POLR2H: variants seen among roughly 807,000 people sequenced by gnomAD.
POLR2H encodes DNA-directed RNA polymerases I, II, and III subunit RPABC3.
Under a neutral mutation model 18.1 loss-of-function variants are expected in POLR2H, and 3 were observed. That is an observed-to-expected ratio of 0.17 (90% CI 0.08 to 0.43). The LOEUF (loss-of-function observed/expected upper bound fraction) is 0.43, where lower values mean the gene tolerates loss of function less well. Among genes scored for constraint, POLR2H ranks in the 20% least tolerant of loss-of-function variants. The probability of loss-of-function intolerance (pLI) is 0.99; values close to 1 mark genes in which losing one functional copy is unlikely to be tolerated. For synonymous variants in POLR2H, 76 were observed against 69.0 expected, an observed-to-expected ratio of 1.10 and a Z score of -0.50; for missense variants, 103 against 184.6, an observed-to-expected ratio of 0.56 and a Z score of 2.56.
At chr3:184,364,303 C>T (rs930558490) in intron 2 of POLR2H, 11 of 152,030 alleles carry the variant, frequency 7.2e-5, no homozygotes, top group African/African-American at 2.7e-4. Flanking sequence ...GATTTTAGCT[C>T]ACCACAACCT....
Position 184,368,369 on chromosome 3 carries a change from CT to C in POLR2H, c.*77del. 1 of 1,261,542 alleles carries C rather than the reference CT, an allele frequency of 7.9e-7. No individual in the cohort carries two copies. The highest frequency in any genetic ancestry group is 1.1e-6 in the Non-Finnish European group (1 of 911,466). The allele number at this position is 1,261,542 out of a possible 1,614,324, so 78.1% of individuals were successfully genotyped here. On this transcript the variant is annotated 3_prime_UTR_variant, in exon 6 of 6. Coordinates refer to ENST00000456318, the MANE Select transcript of POLR2H (RefSeq NM_006232.5). ...TGTTCAAGCCTGAGTGGCAGCCGCT[CT>C]TGCTCACCTGTTGAGGAAGGGCTGG...
chr3:184,363,429 G>T lies in POLR2H; in HGVS notation c.-64G>T. ...TCTCCGGTCTTGTCCACGCTAGGGGGTGCACGTACTCCCAACTGTGGTCGC... is the reference window on the plus strand; with the variant it reads ...TCTCCGGTCTTGTCCACGCTAGGGGTTGCACGTACTCCCAACTGTGGTCGC... On this transcript the variant is annotated 5_prime_UTR_variant, in exon 2 of 6. Transcript: ENST00000456318. 1 of 1,336,230 alleles carries T rather than the reference G, an allele frequency of 7.5e-7. No homozygotes were observed. Among genetic ancestry groups the T allele is most frequent in the Non-Finnish European group, 1.1e-6 (1 of 930,592 alleles). 82.8% of individuals were successfully genotyped at this position (1,336,230 alleles called of 1,614,324 possible). A position where few individuals can be genotyped will look rare whatever the true frequency, so the allele number is the denominator to read the frequency against.
chr3:184,368,429 C>A lies in POLR2H; in HGVS notation c.*135C>A. On this transcript the variant is annotated 3_prime_UTR_variant, in exon 6 of 6. Transcript: ENST00000456318. Reference sequence around the variant, plus strand: ...CCACCGTGGCGGCATCTTTAACTGGCCTCCACTCAATGGGAAACTGACTCG... The same window carrying A: ...CCACCGTGGCGGCATCTTTAACTGGACTCCACTCAATGGGAAACTGACTCG... 1 of 628,700 alleles carries A rather than the reference C, an allele frequency of 1.6e-6. No homozygotes were observed. The highest frequency in any genetic ancestry group is 2.7e-6 in the Non-Finnish European group (1 of 375,332). The allele number at this position is 628,700 out of a possible 1,614,324, so 38.9% of individuals were successfully genotyped here.
intron 2 of POLR2H, 53 bp from the exon 3 acceptor site, chr3:184,364,913 T>G (rs1712970736): frequency 8.2e-7 from 1 of 1,217,404 alleles, no homozygotes; most frequent in African/African-American, 1.5e-5. Flanking sequence ...AATCCCACAC[T>G]GTAGGATCTG....
intron 5 of POLR2H, 56 bp from the exon 6 acceptor site, chr3:184,368,121 T>C (rs911064429): frequency 2.5e-6 from 4 of 1,613,362 alleles, no homozygotes; most frequent in Non-Finnish European, 3.4e-6. Context: ...AGGCTGAGAT[T>C]GAGAGCTGCT....
At position 184,365,036 on chromosome 3, in the gene POLR2H, C is replaced by T. The variant is rs1333158407; in HGVS notation, c.144C>T (p.Tyr48=). 2 of 1,604,318 alleles carry T rather than the reference C, an allele frequency of 1.2e-6. No individual in the cohort carries two copies. Among genetic ancestry groups the T allele is most frequent in the East Asian group, 2.2e-5 (1 of 44,826 alleles). Residue 48 remains tyrosine (Y), a synonymous_variant, in exon 3 of 6, where the codon TAC becomes TAT. Coordinates refer to ENST00000456318, the MANE Select transcript of POLR2H (RefSeq NM_006232.5). ...TCTTAGATGTAAACATTCAAATTTACCCTGTAGACTTGGGTAAGTATTGAA... is the reference window on the plus strand; with the variant it reads ...TCTTAGATGTAAACATTCAAATTTATCCTGTAGACTTGGGTAAGTATTGAA... The part of the protein sequence containing the change: ...DLILDVNIQI[Y]PVDLGDKFRL...
At position 184,363,406 on chromosome 3, in the gene POLR2H, T is replaced by C. The variant is rs549820332; in HGVS notation, c.-87T>C. On this transcript the variant is annotated 5_prime_UTR_variant, in exon 2 of 6. Transcript: ENST00000456318. Reference sequence around the variant, plus strand: ...CTTTCAGGAGGTGCTTTTGGTTCTCTCCGGTCTTGTCCACGCTAGGGGGTG... The same window carrying C: ...CTTTCAGGAGGTGCTTTTGGTTCTCCCCGGTCTTGTCCACGCTAGGGGGTG... The C allele has an allele frequency of 1.5e-5, 17 of 1,141,538 alleles. No individual in the cohort carries two copies. Among genetic ancestry groups the C allele is most frequent in the Non-Finnish European group, 2.2e-5 (17 of 761,262 alleles). The allele number at this position is 1,141,538 out of a possible 1,614,324, so 70.7% of individuals were successfully genotyped here. A position where few individuals can be genotyped will look rare whatever the true frequency, so the allele number is the denominator to read the frequency against.
At chr3:184,365,360 G>A in intron 4 of POLR2H, 134 bp downstream of exon 4, 2 of 718,844 alleles carry the variant, frequency 2.8e-6, no homozygotes, top group Non-Finnish European at 4.9e-6. Context: ...GGAAATTTCT[G>A]CACTTAAGAA....
rs375413195 is a variant in POLR2H at position 184,363,585 on chromosome 3, G to A, written c.73+20G>A. On this transcript the variant is annotated intron_variant, in intron 2 of 5. Transcript: ENST00000456318. ...ACCGAGGTAAGTAAGGTATGTAGGG[G>A]CGGTTTGGAGGAAGAGGCTAACCTC... 2 of 1,604,150 alleles carry A rather than the reference G, an allele frequency of 1.2e-6. No homozygotes were observed. The highest frequency in any genetic ancestry group is 1.7e-6 in the Non-Finnish European group (2 of 1,171,276).
intron 5 of POLR2H, among the ~76,000 whole-genome samples, chr3:184,367,311 A>G (rs1201624463): frequency 1.3e-5 from 2 of 152,184 alleles, no homozygotes; most frequent in Non-Finnish European, 2.9e-5. Context: ...AGGAAAAAAA[A>G]GTCACCTGTA....
At chr3:184,365,975 C>CA (rs563119852) in intron 4 of POLR2H, among the ~76,000 whole-genome samples, 7,075 of 61,292 alleles carry the variant, frequency 0.12, 235 homozygotes, top group South Asian at 0.16. Flanking sequence ...GACTCCGTCT[C>CA]AAAAAAAAAA....
chr3:184,366,843 T>A lies in POLR2H; in HGVS notation c.335+43T>A, dbSNP rs1713386058. ...GTGAGGATTCTTTTCCTCTTCCATG[T>A]TCTGAGACTTTGAGCTATGCTCCTG... On this transcript the variant is annotated intron_variant, in intron 5 of 5. Coordinates refer to ENST00000456318, the MANE Select transcript of POLR2H (RefSeq NM_006232.5). The A allele has an allele frequency of 4.3e-6, 5 of 1,175,714 alleles. No individual in the cohort carries two copies. In the South Asian group the frequency reaches 4.9e-5, roughly 12 times the overall value. 72.8% of individuals were successfully genotyped at this position (1,175,714 alleles called of 1,614,324 possible).
chr3:184,366,948 C>T (rs1577347073), intron 5 of POLR2H, 148 bp downstream of exon 5: 1 of 629,958 alleles, frequency 1.6e-6, no homozygotes, highest in Non-Finnish European at 2.9e-6. Flanking sequence ...GAGCAGTTTC[C>T]AGTCTGAAAT....
chr3:184,363,542 C>A lies in POLR2H; in HGVS notation c.50C>A (p.Pro17Gln). Residue 17 changes from proline to glutamine, a missense_variant, in exon 2 of 6, where the codon CCG becomes CAG. Pro to Gln is a moderately conservative substitution (Grantham distance 76, BLOSUM62 -1). Transcript: ENST00000456318. ...EDIFDVKDID[P>Q]EGKKFDRVSR... The stretch of plus-strand genomic sequence containing the variant: ...ATTTTCGATGTGAAGGATATTGACC[C>A]GGAGGGCAAGAAGTTTGACCGAGGT... 1 of 1,614,008 alleles carries A rather than the reference C, an allele frequency of 6.2e-7. No homozygotes were observed. The highest frequency in any genetic ancestry group is 1.1e-5 in the South Asian group (1 of 91,060).
intron 4 of POLR2H, 115 bp downstream of exon 4, chr3:184,365,341 T>A: frequency 2.5e-6 from 2 of 792,066 alleles, no homozygotes; most frequent in Non-Finnish European, 4.5e-6. Context: ...AGAATCTGAG[T>A]AACCTTAAGG....
chr3:184,363,736 C>A (rs1463547505), intron 2 of POLR2H, among the ~76,000 whole-genome samples, 171 bp downstream of exon 2: 1 of 152,196 alleles, frequency 6.6e-6, no homozygotes, highest in Non-Finnish European at 1.5e-5. Context: ...CCCGAGCTCT[C>A]TCTGGCTTCA....
intron 4 of POLR2H, among the ~76,000 whole-genome samples, chr3:184,366,274 C>A (rs909226494): frequency 5.9e-5 from 9 of 151,728 alleles, no homozygotes; most frequent in African/African-American, 2.2e-4. Context: ...GCCATGAGGA[C>A]TAAATGACAT....
rs1712631178 is a variant in POLR2H, at chr3:184,363,417, C to A, written c.-76C>A. 2.4e-6 allele frequency: 3 copies of A among 1,253,882 alleles called. No individual in the cohort carries two copies. The highest frequency in any genetic ancestry group is 1.5e-5 in the African/African-American group (1 of 68,216). The allele number at this position is 1,253,882 out of a possible 1,614,324, so 77.7% of individuals were successfully genotyped here. A position where few individuals can be genotyped will look rare whatever the true frequency, so the allele number is the denominator to read the frequency against. On this transcript the variant is annotated 5_prime_UTR_variant, in exon 2 of 6. Transcript: ENST00000456318. Reference sequence around the variant, plus strand: ...TGCTTTTGGTTCTCTCCGGTCTTGTCCACGCTAGGGGGTGCACGTACTCCC... The same window carrying A: ...TGCTTTTGGTTCTCTCCGGTCTTGTACACGCTAGGGGGTGCACGTACTCCC...
In POLR2H at chr3:184,363,167, G is replaced by A. The variant is rs1712535746; in HGVS notation, c.-326G>A. 1 of 403,796 alleles carries A rather than the reference G, an allele frequency of 2.5e-6. No individual in the cohort carries two copies. Among genetic ancestry groups the A allele is most frequent in the Admixed American group, 3.9e-5 (1 of 25,580 alleles). 25.0% of individuals were successfully genotyped at this position (403,796 alleles called of 1,614,324 possible). On this transcript the variant is annotated 5_prime_UTR_variant, in exon 2 of 6. An upstream open reading frame in the 5' UTR loses its in-frame stop. Transcript: ENST00000456318. ...CCCGGCCTCTGAAGAGGGCGCAGTAGGGCCCCAGCGGAGCGCGAGAACCCG... is the reference window on the plus strand; with the variant it reads ...CCCGGCCTCTGAAGAGGGCGCAGTAAGGCCCCAGCGGAGCGCGAGAACCCG...
Sources: gnomAD v4.1 joint callset for allele counts (sites outside exome capture counted in the v4.1 genomes callset) on GRCh38, gnomAD v4.1.1 for gene constraint, MANE v1.5 for transcripts, NCBI Gene and HGNC (gene_info 2026-07-23, HGNC 2026-07-21) for gene names.